Variants in XIRP2 observed in about 807,000 individuals in gnomAD.
XIRP2 encodes the protein xin actin binding repeat containing 2.
A neutral mutation model predicts 277.0 loss-of-function variants in XIRP2; 236 were observed. That is an observed-to-expected ratio of 0.85 (90% CI 0.77 to 0.95). The LOEUF is 0.95. Ranked by LOEUF, XIRP2 falls within the 40% of genes least tolerant of loss-of-function variation. The pLI is 0.00. For synonymous variants in XIRP2, 1,490 were observed against 1,416.5 expected, an observed-to-expected ratio of 1.05 and a Z score of -1.17; for missense variants, 4,640 against 4,157.5, an observed-to-expected ratio of 1.12 and a Z score of -3.19.
chr2:167,059,101 CTTTTTTTT>C (rs572437575), intron 2 of XIRP2, among the ~76,000 whole-genome samples: 3 of 95,976 alleles, frequency 3.1e-5, no homozygotes, highest in Admixed American at 1.2e-4. Context: ...TTTTTTTTCT[CTTTTTTTT>C]TTTTTTTTTT....
intron 5 of XIRP2, among the ~76,000 whole-genome samples, chr2:167,224,493 G>A (rs1230104723): frequency 3.3e-5 from 5 of 151,680 alleles, no homozygotes; most frequent in South Asian, 2.1e-4. Flanking sequence ...GTGATCTACC[G>A]ACTTGGCCTC....
At chr2:167,001,545 A>G (rs1390596102) in intron 2 of XIRP2, among the ~76,000 whole-genome samples, 2 of 152,178 alleles carry the variant, frequency 1.3e-5, no homozygotes, top group African/African-American at 4.8e-5. Context: ...ATATGGTACT[A>G]GAAATAACGC....
intron 2 of XIRP2, among the ~76,000 whole-genome samples, chr2:166,950,836 A>G (rs1044156423): frequency 1.3e-5 from 2 of 152,082 alleles, no homozygotes; most frequent in African/African-American, 4.8e-5. Context: ...TTATTCAAAT[A>G]GATAGACAGT....
chr2:167,228,199 T>C (rs1322778497), intron 5 of XIRP2, among the ~76,000 whole-genome samples: 1 of 152,148 alleles, frequency 6.6e-6, no homozygotes, highest in Non-Finnish European at 1.5e-5. Flanking sequence ...ACACTATAAC[T>C]CTCAACCTCT....
chr2:167,161,336 A>T (rs1692355858), intron 3 of XIRP2, among the ~76,000 whole-genome samples: 1 of 152,198 alleles, frequency 6.6e-6, no homozygotes, highest in Non-Finnish European at 1.5e-5. Flanking sequence ...CTGATCCCAC[A>T]TTTCCCTTCT....
chr2:167,159,219 A>G (rs1049462962), intron 3 of XIRP2, among the ~76,000 whole-genome samples: 1 of 152,184 alleles, frequency 6.6e-6, no homozygotes, highest in African/African-American at 2.4e-5. Flanking sequence ...GAGAGATGGT[A>G]CACAGAAACC....
chr2:166,906,540 A>G (rs1684530115), intron 2 of XIRP2, among the ~76,000 whole-genome samples: 1 of 152,132 alleles, frequency 6.6e-6, no homozygotes, highest in African/African-American at 2.4e-5. Context: ...ACAGTTTTTA[A>G]TCTAAATATT....
chr2:166,903,096 C>T (rs887554271), intron 1 of XIRP2, among the ~76,000 whole-genome samples: 7 of 152,032 alleles, frequency 4.6e-5, no homozygotes, highest in African/African-American at 1.7e-4. Flanking sequence ...TTTTAAGTTG[C>T]CCTTTTCTTA....
rs756168761 is a variant in XIRP2, at chr2:167,244,218, A to G, written c.2826A>G (p.Arg942=). Residue 942 remains arginine, a synonymous_variant, in exon 9 of 11, where the codon AGA becomes AGG. Transcript: ENST00000409195. ...TRTVKLEEVD[R]GDVKNYTHIF... ...CAGTGAAACTTGAAGAAGTTGACAGAGGAGATGTGAAGAATTACACACATA... is the reference window on the plus strand; with the variant it reads ...CAGTGAAACTTGAAGAAGTTGACAGGGGAGATGTGAAGAATTACACACATA... The G allele has an allele frequency of 3.7e-6, 6 of 1,613,642 alleles. No individual in the cohort carries two copies. Among genetic ancestry groups the G allele is most frequent in the Non-Finnish European group, 5.1e-6 (6 of 1,179,812 alleles).
In XIRP2 at chr2:167,035,130, C is replaced by T. The variant is rs114817950; in HGVS notation, c.409-100779C>T. Among the ~76,000 whole-genome samples the T allele has an allele frequency of 6.4e-4, 98 of 152,300 alleles. 1 individual carries two copies. Among genetic ancestry groups the T allele is most frequent in the African/African-American group, 2.3e-3 (94 of 41,566 alleles). On this transcript the variant is annotated intron_variant, in intron 2 of 10. Transcript: ENST00000409195. The stretch of plus-strand genomic sequence containing the variant: ...ATTAAACCTCTTTTTTCTTCCCAGT[C>T]TCCAGTATGTCTTGATCAGCAGCAT...
chr2:166,908,578 T>C (rs1203111661), intron 2 of XIRP2, among the ~76,000 whole-genome samples: 1 of 152,196 alleles, frequency 6.6e-6, no homozygotes, highest in Non-Finnish European at 1.5e-5. Context: ...CTGTTCACTC[T>C]GATGGTAGTT....
chr2:166,972,484 G>C (rs190426158), intron 2 of XIRP2, among the ~76,000 whole-genome samples: 2 of 152,214 alleles, frequency 1.3e-5, no homozygotes, highest in African/African-American at 2.4e-5. Flanking sequence ...TACCTTCCCA[G>C]CTCTGATGAG....
intron 3 of XIRP2, among the ~76,000 whole-genome samples, chr2:167,155,692 A>G (rs1012431530): frequency 6.6e-6 from 1 of 151,910 alleles, no homozygotes; most frequent in African/African-American, 2.4e-5. Context: ...GGCACAAGAC[A>G]GGGATGCCCT....
At chr2:167,169,605 C>A (rs912645651) in intron 3 of XIRP2, among the ~76,000 whole-genome samples, 4 of 152,184 alleles carry the variant, frequency 2.6e-5, no homozygotes, top group Admixed American at 2.6e-4. Context: ...CTTCTCAAGA[C>A]TGAGTGAGGG....
At chr2:167,183,456 C>T (rs914413182) in intron 3 of XIRP2, among the ~76,000 whole-genome samples, 4 of 152,122 alleles carry the variant, frequency 2.6e-5, no homozygotes, top group African/African-American at 7.2e-5. Flanking sequence ...TATCCATACC[C>T]ATGCTTTCTA....
chr2:166,986,256 A>G (rs1426205724), intron 2 of XIRP2, among the ~76,000 whole-genome samples: 1 of 152,178 alleles, frequency 6.6e-6, no homozygotes, highest in African/African-American at 2.4e-5. Context: ...GATTCTGAAG[A>G]TATTTTCCCA....
chr2:167,063,595 T>C (rs1167254861), intron 2 of XIRP2, among the ~76,000 whole-genome samples: 1 of 151,958 alleles, frequency 6.6e-6, no homozygotes, highest in Non-Finnish European at 1.5e-5. Flanking sequence ...ACTTCACGTA[T>C]TTTGAAGCTC....
In XIRP2 at chr2:167,210,802, G is replaced by A; in HGVS notation, c.630G>A (p.Val210=). 10 of 1,614,226 alleles carry A rather than the reference G, an allele frequency of 6.2e-6. No homozygotes were observed. Among genetic ancestry groups the A allele is most frequent in the African/African-American group, 1.3e-5 (1 of 75,068 alleles). ...ACAGTGCTGCTCGGGGCGAGGGTGT[G>A]TCAGACCTCCACGAAGTGGTCTCCC... ...AEDSAARGEG[V]SDLHEVVSLK... is the part of the protein sequence containing the mutation. Residue 210 remains valine (V), a synonymous_variant, in exon 4 of 11, where the codon GTG becomes GTA. Coordinates refer to ENST00000409195, the MANE Select transcript of XIRP2 (RefSeq NM_152381.6).
In XIRP2 at chr2:167,047,884, G is replaced by A. The variant is rs148663883; in HGVS notation, c.409-88025G>A. ...ACTTAAAAATTCATCATGATTAAAA[G>A]CACTCTTTTGTTTAATAGATTTGAA... On this transcript the variant is annotated intron_variant, in intron 2 of 10. Coordinates refer to ENST00000409195, the MANE Select transcript of XIRP2 (RefSeq NM_152381.6). Among the ~76,000 whole-genome samples, 25 of 151,986 alleles carry A rather than the reference G, an allele frequency of 1.6e-4. No homozygotes were observed. The East Asian group carries it at 3.9e-3, about 23-fold the overall frequency.
Sources: allele counts gnomAD v4.1 joint callset (sites outside exome capture counted in the v4.1 genomes callset), GRCh38; gene constraint gnomAD v4.1.1; transcripts MANE v1.5; gene names NCBI Gene and HGNC (gene_info 2026-07-23, HGNC 2026-07-21).